The following TRPV3 variants were observed in gnomAD, a reference collection of about 807,000 sequenced individuals.
TRPV3 encodes transient receptor potential cation channel subfamily V member 3, also known as VRL-3.
A neutral mutation model predicts 87.1 loss-of-function variants in TRPV3; 88 were observed. That is an observed-to-expected ratio of 1.01 (90% CI 0.85 to 1.21). TRPV3 has a LOEUF of 1.21. Among genes scored for constraint, TRPV3 ranks in the 50% most tolerant of loss-of-function variants. The pLI is 0.00. For synonymous variants in TRPV3, 438 were observed against 423.3 expected (o/e 1.03, Z -0.43); for missense variants, 1,054 against 1,030.1 (o/e 1.02, Z -0.32).
chr17:3,514,434 A>G lies in TRPV3; in HGVS notation c.2278+159T>C, dbSNP rs148572477. 2.0e-3 allele frequency: 1,213 copies of G among 620,488 alleles called. 11 individuals are homozygous for G. Among genetic ancestry groups the G allele is most frequent in the African/African-American group, 0.019 (1,020 of 54,398 alleles). The allele number at this position is 620,488 out of a possible 1,614,324, so 38.4% of individuals were successfully genotyped here. A position where few individuals can be genotyped will look rare whatever the true frequency, so the allele number is the denominator to read the frequency against. ...CGCCATTTTAAAAGTTGTGCCAACTAGGGTTCTAAAAGTCAGAGCTGGAAG... is the reference window on the plus strand; with the variant it reads ...CGCCATTTTAAAAGTTGTGCCAACTGGGGTTCTAAAAGTCAGAGCTGGAAG... On this transcript the variant is annotated intron_variant, in intron 17 of 17. Transcript: ENST00000576742.
At position 3,516,465 on chromosome 17, in the gene TRPV3, C is replaced by T; in HGVS notation, c.2190G>A (p.Leu730=). 1.2e-6 allele frequency: 2 copies of T among 1,614,018 alleles called. No homozygotes were observed. Among genetic ancestry groups the T allele is most frequent in the Non-Finnish European group, 1.7e-6 (2 of 1,179,876 alleles). Residue 730 remains leucine (L), a synonymous_variant, in exon 16 of 18, where the codon CTG becomes CTA. Transcript: ENST00000576742. The part of the protein sequence containing the change: ...LCKVAEDDFR[L]CLRINEVKWT... ...CCTTCTCCCTTTGTTACCGCAAACA[C>T]AGTCGGAAATCATCCTCGGCCACTT... is the stretch of plus-strand genomic sequence containing the variant.
rs1171317393 is a variant in TRPV3 at position 3,528,628 on chromosome 17, G to T, written c.1401+209C>A. Among the ~76,000 whole-genome samples, 2 of 152,194 alleles carry T rather than the reference G, an allele frequency of 1.3e-5. No homozygotes were observed. Among genetic ancestry groups the T allele is most frequent in the Non-Finnish European group, 2.9e-5 (2 of 68,044 alleles). ...TTCTCCAACTTTCCTCCCAGCAAGG[G>T]TCTGCCCTTGGGACTCGGCACCTGG... On this transcript the variant is annotated intron_variant, in intron 10 of 17. Transcript: ENST00000576742. The surrounding 1 kb of genome is among the most constrained non-coding windows in gnomAD (Gnocchi z 4.2).
At chr17:3,546,879 A>G in intron 2 of TRPV3, 1 of 274,954 alleles carries the variant, frequency 3.6e-6, no homozygotes, top group Non-Finnish European at 7.4e-6. Context: ...GAGGCAGAAG[A>G]ATTGCTTGAA....
chr17:3,529,798 C>A (rs1373150858), intron 9 of TRPV3, among the ~76,000 whole-genome samples: 1 of 150,660 alleles, frequency 6.6e-6, no homozygotes, highest in African/African-American at 2.4e-5. Context: ...CCCCCGCCAC[C>A]ACCACTCAGG....
intron 7 of TRPV3, 75 bp downstream of exon 7, chr17:3,535,481 TCCCTTCTTCCCTCCTTC>T: frequency 1.1e-6 from 1 of 870,634 alleles, no homozygotes; most frequent in Non-Finnish European, 1.4e-6. Flanking sequence ...TCCCCCCTCC[TCCCTTCTTCCCTCCTTC>T]CCCTTCCCTC....
chr17:3,515,379 G>T (rs2074169526), intron 16 of TRPV3, among the ~76,000 whole-genome samples: 1 of 152,150 alleles, frequency 6.6e-6, no homozygotes, highest in African/African-American at 2.4e-5. Context: ...GTGTTCATGG[G>T]GCCGGGCACC....
intron 5 of TRPV3, among the ~76,000 whole-genome samples, 199 bp from the exon 6 acceptor site, chr17:3,542,897 G>A (rs908220318): frequency 6.6e-6 from 1 of 151,924 alleles, no homozygotes; most frequent in Non-Finnish European, 1.5e-5. Flanking sequence ...TGCTCTCTGT[G>A]GCCCATGGGT....
intron 2 of TRPV3, among the ~76,000 whole-genome samples, chr17:3,547,851 C>T (rs1597491097): frequency 6.6e-6 from 1 of 152,194 alleles, no homozygotes; most frequent in South Asian, 2.1e-4. Flanking sequence ...AGAAGCAAGA[C>T]ATACACCCGT....
At chr17:3,552,779 T>C (rs1418931587) in intron 2 of TRPV3, 2 of 152,206 alleles carry the variant, frequency 1.3e-5, no homozygotes, top group African/African-American at 4.8e-5. Context: ...TATCCTCATT[T>C]TTTTCCGGAG....
chr17:3,526,404 G>A (rs2074300115), intron 12 of TRPV3, among the ~76,000 whole-genome samples: 1 of 152,042 alleles, frequency 6.6e-6, no homozygotes, highest in African/African-American at 2.4e-5. Flanking sequence ...CTTGAACCTG[G>A]GAGGTGGAGG....
rs748499064 is a variant in TRPV3, at chr17:3,528,909, C to G, written c.1329G>C (p.Leu443=). 16 of 1,614,208 alleles carry G rather than the reference C, an allele frequency of 9.9e-6. No homozygotes were observed. Among genetic ancestry groups the G allele is most frequent in the Non-Finnish European group, 1.3e-5 (15 of 1,180,042 alleles). Residue 443 remains leucine (L), a synonymous_variant, in exon 10 of 18, where the codon CTG becomes CTC. Coordinates refer to ENST00000576742, the MANE Select transcript of TRPV3 (RefSeq NM_145068.4). This position sits in a 1 kb window ranked among gnomAD's most constrained non-coding sequence, Gnocchi z 4.2. The part of the protein sequence containing the change: ...WKKFAKHMFF[L]SFCFYFFYNI... ...TGTAGAAGAAATAAAAGCAGAAGGA[C>G]AGAAAGAACATGTGCTTGGCAAACT...
In TRPV3 at chr17:3,518,827, ACTTCT is replaced by A. The variant is rs1328130388; in HGVS notation, c.1829_1833del (p.Glu610ValfsTer30). 1.2e-6 allele frequency: 2 copies of A among 1,614,006 alleles called. No homozygotes were observed. The highest frequency in any genetic ancestry group is 2.7e-5 in the African/African-American group (2 of 75,042). ...CTGCAGTCCTTGTTGTCTTTGGGAC[ACTTCT>A]CGATCAGCGAGGCCAAGGCTAAGGG... On this transcript the variant is annotated frameshift_variant, in exon 15 of 18. Coordinates refer to ENST00000576742, the MANE Select transcript of TRPV3 (RefSeq NM_145068.4). LOFTEE classifies it high-confidence loss of function. This position sits in a 1 kb window ranked among gnomAD's most constrained non-coding sequence, Gnocchi z 4.3.
chr17:3,545,345 C>T (rs924414873), intron 2 of TRPV3, 74 bp from the exon 3 acceptor site: 1 of 1,170,036 alleles, frequency 8.5e-7, no homozygotes, highest in Non-Finnish European at 1.3e-6. Flanking sequence ...GCCTCCTGGC[C>T]CCAGAGGGTG....
intron 6 of TRPV3, among the ~76,000 whole-genome samples, chr17:3,542,157 A>G (rs925727277): frequency 4.6e-5 from 7 of 151,870 alleles, no homozygotes; most frequent in African/African-American, 1.7e-4. Flanking sequence ...GGGTTTCACC[A>G]TGTTGGTCAG....
chr17:3,555,886 T>C (rs2074625910), intron 1 of TRPV3, among the ~76,000 whole-genome samples: 1 of 151,876 alleles, frequency 6.6e-6, no homozygotes, highest in Non-Finnish European at 1.5e-5. Context: ...GCATAAGAGC[T>C]GTGGCTTCAG....
At chr17:3,543,407 G>GA in intron 5 of TRPV3, 67 bp downstream of exon 5, 1 of 1,587,146 alleles carries the variant, frequency 6.3e-7, no homozygotes, top group Non-Finnish European at 8.6e-7. Flanking sequence ...GAGGGGAGGG[G>GA]AAAATGGGCA....
chr17:3,516,540 T>C lies in TRPV3; in HGVS notation c.2115A>G (p.Lys705=), dbSNP rs779314465. The stretch of plus-strand genomic sequence containing the variant: ...TGCTCCTCAGCCATTCTGGTAACAT[T>C]TTCTCAAACTCCAAGATGGTCCTGG... The part of the protein sequence containing the change: ...QRARTILEFE[K]MLPEWLRSRF... Residue 705 remains lysine, a synonymous_variant, in exon 16 of 18, where the codon AAA becomes AAG. Coordinates refer to ENST00000576742, the MANE Select transcript of TRPV3 (RefSeq NM_145068.4). The C allele has an allele frequency of 6.2e-7, 1 of 1,614,070 alleles. No individual in the cohort carries two copies. Among genetic ancestry groups the C allele is most frequent in the South Asian group, 1.1e-5 (1 of 91,080 alleles).
chr17:3,523,007 ATC>A (rs2074261942), intron 13 of TRPV3, among the ~76,000 whole-genome samples: 1 of 152,086 alleles, frequency 6.6e-6, no homozygotes, highest in African/African-American at 2.4e-5. Flanking sequence ...GTCTTAGAAC[ATC>A]TCCCCCAAGA....
intron 7 of TRPV3, among the ~76,000 whole-genome samples, chr17:3,533,256 C>G (rs2074367108): frequency 6.6e-6 from 1 of 152,174 alleles, no homozygotes; most frequent in South Asian, 2.1e-4. Context: ...CTGACCTCCT[C>G]TCTCCATCAC....
Sources: allele counts gnomAD v4.1 joint callset (sites outside exome capture counted in the v4.1 genomes callset), GRCh38; gene constraint gnomAD v4.1.1; non-coding constraint Gnocchi (gnomAD v3.1); transcripts MANE v1.5; gene names NCBI Gene and HGNC (gene_info 2026-07-23, HGNC 2026-07-21).